Variants in ASB4 observed in about 807,000 individuals in gnomAD.
ASB4 encodes ankyrin repeat and SOCS box containing 4.
In ASB4, 35 loss-of-function variants were observed where a neutral mutation model predicts 38.6. The ratio of observed to expected loss-of-function variants is 0.91; its 90% CI spans 0.69 to 1.20. The LOEUF is 1.20. Among genes scored for constraint, ASB4 ranks in the 50% most tolerant of loss-of-function variants. The pLI is 0.00. For synonymous variants in ASB4, 195 were observed against 201.3 expected (o/e 0.97, Z 0.26); for missense variants, 557 against 527.2 (o/e 1.06, Z -0.55).
chr7:95,504,985 G>A (rs1790387972), intron 2 of ASB4, among the ~76,000 whole-genome samples: 1 of 152,206 alleles, frequency 6.6e-6, no homozygotes, highest in Admixed American at 6.5e-5. Context: ...ACAACCTTAA[G>A]CAGTGCTTTC....
In ASB4 at chr7:95,499,865, C is replaced by CTTT. The variant is rs61250820; in HGVS notation, c.487+3832_487+3834dup. Among the ~76,000 whole-genome samples the CTTT allele has an allele frequency of 3.3e-3, 254 of 77,266 alleles. 7 individuals carry two copies. Among genetic ancestry groups the CTTT allele is most frequent in the African/African-American group, 0.013 (230 of 17,558 alleles). 50.7% of individuals were successfully genotyped at this position (77,266 alleles called of 152,430 possible). On this transcript the variant is annotated intron_variant, in intron 2 of 4. Coordinates refer to ENST00000325885, the MANE Select transcript of ASB4 (RefSeq NM_016116.3). Reference sequence around the variant, plus strand: ...ATCCAGAGACTACGGGATACATCCTCTTTTTTTTTTTTTTTTTTTTTTTTT... The same window carrying CTTT: ...ATCCAGAGACTACGGGATACATCCTCTTTTTTTTTTTTTTTTTTTTTTTTTTTT...
chr7:95,489,939 A>G (rs144892508), intron 1 of ASB4, among the ~76,000 whole-genome samples: 3 of 152,340 alleles, frequency 2.0e-5, no homozygotes, highest in African/African-American at 7.2e-5. Flanking sequence ...AGGCTTTACC[A>G]ACTTGATCTT....
At chr7:95,504,057 C>T (rs776972630) in intron 2 of ASB4, among the ~76,000 whole-genome samples, 8 of 152,128 alleles carry the variant, frequency 5.3e-5, no homozygotes, top group Non-Finnish European at 1.2e-4. Flanking sequence ...GCTGAAAAAC[C>T]TCCTCTCCTT....
intron 2 of ASB4, among the ~76,000 whole-genome samples, chr7:95,516,762 T>A (rs959157629): frequency 6.6e-6 from 1 of 152,252 alleles, no homozygotes; most frequent in Non-Finnish European, 1.5e-5. Flanking sequence ...CTGGTCTTTG[T>A]TCAGTCTTAT....
intron 2 of ASB4, among the ~76,000 whole-genome samples, chr7:95,508,535 A>T (rs908322064): frequency 6.6e-6 from 1 of 152,202 alleles, no homozygotes; most frequent in African/African-American, 2.4e-5. Context: ...GTTTCCGAGC[A>T]GTCTGGAGGG....
the ASB4 span, among the ~76,000 whole-genome samples, chr7:95,549,596 C>A: frequency 1.3e-5 from 2 of 151,892 alleles, no homozygotes; most frequent in African/African-American, 4.8e-5. Context: ...CGCGCCCGGC[C>A]GAGACTCCAT....
At chr7:95,506,686 C>CTTTTTT (rs76270182) in intron 2 of ASB4, among the ~76,000 whole-genome samples, 1 of 119,966 alleles carries the variant, frequency 8.3e-6, no homozygotes. Context: ...AATTTAGATT[C>CTTTTTT]TTTTTTTTTT....
chr7:95,550,231 G>T, the ASB4 span, among the ~76,000 whole-genome samples: 1 of 152,160 alleles, frequency 6.6e-6, no homozygotes. Context: ...AGGTCTAAAA[G>T]TCCAAGGCTG....
chr7:95,544,781 G>A (rs187261240), downstream of ASB4, among the ~76,000 whole-genome samples: 26 of 152,044 alleles, frequency 1.7e-4, no homozygotes, highest in Admixed American at 5.2e-4. Flanking sequence ...TGCAACCTCC[G>A]CTTCCCAGGT....
In ASB4 at chr7:95,536,334, G is replaced by A. The variant is rs1157370724; in HGVS notation, c.979-103G>A. The A allele has an allele frequency of 6.0e-6, 4 of 671,202 alleles. No individual in the cohort carries two copies. In the East Asian group the frequency reaches 1.2e-4, roughly 19 times the overall value. 41.6% of individuals were successfully genotyped at this position (671,202 alleles called of 1,614,324 possible). ...CAAGTAGCTGGGATTACAGGCACAT[G>A]CTACCATGCCCACTGGTCTGTGAAT... On this transcript the variant is annotated intron_variant, in intron 3 of 4. Coordinates refer to ENST00000325885, the MANE Select transcript of ASB4 (RefSeq NM_016116.3).
At chr7:95,516,476 A>G (rs1370797773) in intron 2 of ASB4, among the ~76,000 whole-genome samples, 1 of 152,220 alleles carries the variant, frequency 6.6e-6, no homozygotes, top group Non-Finnish European at 1.5e-5. Flanking sequence ...AAAATAAACA[A>G]AATGATAAAT....
chr7:95,479,318 G>T (rs919023134), intron 1 of ASB4, among the ~76,000 whole-genome samples: 8 of 152,198 alleles, frequency 5.3e-5, no homozygotes, highest in African/African-American at 1.7e-4. Flanking sequence ...ATGAACAACA[G>T]TAATAATATG....
At chr7:95,514,009 G>T (rs533294522) in intron 2 of ASB4, among the ~76,000 whole-genome samples, 1 of 152,256 alleles carries the variant, frequency 6.6e-6, no homozygotes, top group South Asian at 2.1e-4. Context: ...CTAACAATCT[G>T]CATTTCACTC....
At chr7:95,473,591 C>G (rs538197094), upstream of ASB4, 1 of 151,946 alleles carries the variant, frequency 6.6e-6, no homozygotes, top group Non-Finnish European at 1.5e-5. Flanking sequence ...CCTGAAAGAG[C>G]CTATAGAATA....
At chr7:95,495,707 G>T in intron 1 of ASB4, 51 bp from the exon 2 acceptor site, 2 of 1,519,164 alleles carry the variant, frequency 1.3e-6, no homozygotes, top group Non-Finnish European at 1.8e-6. Context: ...CAGGGAGAAA[G>T]CCTAGGTCAA....
At chr7:95,502,106 T>TA (rs67149513) in intron 2 of ASB4, among the ~76,000 whole-genome samples, 4 of 127,356 alleles carry the variant, frequency 3.1e-5, no homozygotes, top group Non-Finnish European at 6.7e-5. Flanking sequence ...GGCTAACAAC[T>TA]AAAAAAAAAA....
At chr7:95,489,882 A>G (rs941363309) in intron 1 of ASB4, among the ~76,000 whole-genome samples, 4 of 152,206 alleles carry the variant, frequency 2.6e-5, no homozygotes, top group Non-Finnish European at 4.4e-5. Flanking sequence ...TTCACTGGTT[A>G]CTTCCATACT....
intron 1 of ASB4, among the ~76,000 whole-genome samples, chr7:95,486,809 C>T (rs1011003313): frequency 1.3e-5 from 2 of 152,122 alleles, no homozygotes; most frequent in East Asian, 1.9e-4. Flanking sequence ...TGTCTTATAA[C>T]GACCTAAGGA....
upstream of ASB4, among the ~76,000 whole-genome samples, chr7:95,474,368 C>T (rs78084603): frequency 0.032 from 4,813 of 152,064 alleles, 241 homozygotes; most frequent in African/African-American, 0.11. Flanking sequence ...TTTAAAGAAC[C>T]AAAATTTACC....
Sources: allele counts gnomAD v4.1 joint callset (sites outside exome capture counted in the v4.1 genomes callset), GRCh38; gene constraint gnomAD v4.1.1; transcripts MANE v1.5; gene names NCBI Gene and HGNC (gene_info 2026-07-23, HGNC 2026-07-21).